The following P4HA1 variants were observed in gnomAD, a reference collection of about 807,000 sequenced individuals.
P4HA1 encodes the protein prolyl 4-hydroxylase subunit alpha 1.
P4HA1 carries 24 observed loss-of-function variants against 72.8 expected under a neutral mutation model. The ratio of observed to expected loss-of-function variants is 0.33; its 90% CI spans 0.24 to 0.46. The LOEUF (loss-of-function observed/expected upper bound fraction) is 0.46. Among genes scored for constraint, P4HA1 ranks in the 20% least tolerant of loss-of-function variants. The pLI is 1.00. For missense variants in P4HA1, 446 were observed against 640.6 expected, an observed-to-expected ratio of 0.70 and a Z score of 3.28; for synonymous variants, 201 against 218.8, an observed-to-expected ratio of 0.92 and a Z score of 0.72.
chr10:73,051,304 T>A (rs943384435), intron 6 of P4HA1, 55 bp from the exon 7 acceptor site: 2 of 934,666 alleles, frequency 2.1e-6, no homozygotes, highest in Non-Finnish European at 3.3e-6. Flanking sequence ...TGTTCAAGCA[T>A]CAGAATATAG....
intron 5 of P4HA1, among the ~76,000 whole-genome samples, chr10:73,064,857 C>T (rs1427272421): frequency 1.3e-5 from 2 of 152,026 alleles, no homozygotes; most frequent in Non-Finnish European, 2.9e-5. Flanking sequence ...AAAAAGAAAT[C>T]GATTTTTATG....
intron 11 of P4HA1, 45 bp downstream of exon 11, chr10:73,016,801 T>TAATGC (rs1388787755): frequency 7.3e-7 from 1 of 1,376,912 alleles, no homozygotes; most frequent in Non-Finnish European, 1.0e-6. Context: ...ACAAACAATG[T>TAATGC]AATGCATAAG....
intron 10 of P4HA1, among the ~76,000 whole-genome samples, chr10:73,017,828 A>G (rs2133040973): frequency 6.6e-6 from 1 of 152,266 alleles, no homozygotes. Context: ...CAGTTTTCTT[A>G]TTTGTTAAAG....
intron 6 of P4HA1, 37 bp from the exon 7 acceptor site, chr10:73,051,286 T>C (rs1195956271): frequency 6.5e-6 from 7 of 1,075,726 alleles, no homozygotes; most frequent in Non-Finnish European, 9.7e-6. Flanking sequence ...CATGGGTAAG[T>C]TCATGCTTGT....
intron 1 of P4HA1, among the ~76,000 whole-genome samples, chr10:73,086,883 G>A (rs906251683): frequency 3.6e-5 from 5 of 139,122 alleles, no homozygotes; most frequent in East Asian, 2.1e-4. Flanking sequence ...GCAGTGAGCC[G>A]AGATTGTGTC....
chr10:73,015,913 A>G (rs536043060), intron 11 of P4HA1, among the ~76,000 whole-genome samples: 1 of 152,136 alleles, frequency 6.6e-6, no homozygotes, highest in African/African-American at 2.4e-5. Flanking sequence ...GTTTCACAGA[A>G]TATCTGCCAC....
intron 5 of P4HA1, among the ~76,000 whole-genome samples, chr10:73,055,883 C>T (rs1033409228): frequency 2.0e-5 from 3 of 152,104 alleles, no homozygotes; most frequent in African/African-American, 7.2e-5. Flanking sequence ...AGATGAGGAA[C>T]TAAAATAGAG....
intron 9 of P4HA1, among the ~76,000 whole-genome samples, chr10:73,041,211 C>G (rs113577689): frequency 0.052 from 7,951 of 152,134 alleles, 663 homozygotes; most frequent in African/African-American, 0.18. Flanking sequence ...AAGCAGGTCT[C>G]TCTGACCTTC....
intron 10 of P4HA1, among the ~76,000 whole-genome samples, chr10:73,027,776 G>GCAA (rs1840318717): frequency 2.9e-5 from 4 of 140,318 alleles, no homozygotes; most frequent in African/African-American, 8.0e-5. Flanking sequence ...AAGGAAGGAA[G>GCAA]GAAGCAAGCA....
chr10:73,020,140 G>C (rs1372619742), intron 10 of P4HA1, among the ~76,000 whole-genome samples: 1 of 151,956 alleles, frequency 6.6e-6, no homozygotes, highest in Non-Finnish European at 1.5e-5. Context: ...AAGAATTCTA[G>C]AAACAGCAAG....
At chr10:73,079,286 A>C (rs977983218) in intron 1 of P4HA1, among the ~76,000 whole-genome samples, 7 of 151,640 alleles carry the variant, frequency 4.6e-5, no homozygotes, top group African/African-American at 1.7e-4. Flanking sequence ...GGAGACCCCA[A>C]CTCTATAAAA....
chr10:73,091,737 G>A (rs1842036828), intron 1 of P4HA1, among the ~76,000 whole-genome samples: 1 of 152,064 alleles, frequency 6.6e-6, no homozygotes, highest in African/African-American at 2.4e-5. Flanking sequence ...TTCTTGTAAT[G>A]GAAATATCTA....
chr10:73,039,854 C>CTTTTTTT (rs765288935), intron 9 of P4HA1, among the ~76,000 whole-genome samples: 10 of 86,992 alleles, frequency 1.1e-4, no homozygotes, highest in South Asian at 4.7e-4. Flanking sequence ...CTGAGATGGC[C>CTTTTTTT]TTTTTTTTTT....
chr10:73,038,271 A>G (rs1176599381), intron 9 of P4HA1, among the ~76,000 whole-genome samples: 2 of 152,138 alleles, frequency 1.3e-5, no homozygotes, highest in Non-Finnish European at 2.9e-5. Flanking sequence ...AAAATAAAGT[A>G]AAATAAAATA....
chr10:73,043,639 T>C (rs1011397977), intron 9 of P4HA1, among the ~76,000 whole-genome samples: 3 of 152,194 alleles, frequency 2.0e-5, no homozygotes, highest in African/African-American at 4.8e-5. Flanking sequence ...TGAGAACACA[T>C]TTCACTTATC....
chr10:73,061,046 A>T (rs919706430), intron 5 of P4HA1, among the ~76,000 whole-genome samples: 2 of 152,196 alleles, frequency 1.3e-5, no homozygotes, highest in Admixed American at 6.5e-5. Context: ...AAAAATCATC[A>T]TTTTGTAACC....
Position 73,043,531 on chromosome 10 carries a change from C to A in P4HA1, c.1148+1450G>T, listed in dbSNP as rs763483011. Among the ~76,000 whole-genome samples, 3 of 152,214 alleles carry A rather than the reference C, an allele frequency of 2.0e-5. No homozygotes were observed. In the South Asian group the frequency reaches 6.2e-4, roughly 32 times the overall value. ...CTTACTTACGCAATACCTGCAGCTA[C>A]TAGGTGACCCTGAGATTTTTAAACC... On this transcript the variant is annotated intron_variant, in intron 9 of 14. Transcript: ENST00000394890.
chr10:73,041,319 CGG>C (rs2133081299), intron 9 of P4HA1, among the ~76,000 whole-genome samples: 1 of 152,010 alleles, frequency 6.6e-6, no homozygotes, highest in African/African-American at 2.4e-5. Flanking sequence ...CCGAGGCAGG[CGG>C]GTCACGAGGT....
At chr10:73,028,330 ACACACACACACACAC>A (rs1840342781) in intron 10 of P4HA1, among the ~76,000 whole-genome samples, 2 of 150,576 alleles carry the variant, frequency 1.3e-5, no homozygotes, top group African/African-American at 5.0e-5. Context: ...ACACACACAC[ACACACACACACACAC>A]AAAATACATT....
Sources: allele counts gnomAD v4.1 joint callset (sites outside exome capture counted in the v4.1 genomes callset), GRCh38; gene constraint gnomAD v4.1.1; transcripts MANE v1.5; gene names NCBI Gene and HGNC (gene_info 2026-07-23, HGNC 2026-07-21).